Variants in GPC5 observed in about 807,000 individuals in gnomAD.
GPC5 encodes glypican-5.
In GPC5, 47 loss-of-function variants were observed where a neutral mutation model predicts 53.9. That is an observed-to-expected ratio of 0.87 (90% CI 0.69 to 1.11). The LOEUF (loss-of-function observed/expected upper bound fraction) is 1.11, where lower values mean the gene tolerates loss of function less well. Among genes scored for constraint, GPC5 ranks in the 50% most tolerant of loss-of-function variants. The pLI, the probability that GPC5 is intolerant of heterozygous loss-of-function variation, is 0.00. For synonymous variants in GPC5, 286 were observed against 263.3 expected, an observed-to-expected ratio of 1.09 and a Z score of -0.84; for missense variants, 748 against 713.1, an observed-to-expected ratio of 1.05 and a Z score of -0.56.
At chr13:92,778,133 A>G (rs1196695843) in intron 7 of GPC5, among the ~76,000 whole-genome samples, 4 of 152,226 alleles carry the variant, frequency 2.6e-5, no homozygotes. Context: ...TTTAAGATGA[A>G]TATGTATAGA....
At chr13:92,663,903 T>TATAC (rs1886478093) in intron 7 of GPC5, among the ~76,000 whole-genome samples, 7 of 83,176 alleles carry the variant, frequency 8.4e-5, no homozygotes, top group Admixed American at 2.7e-4. Context: ...TATATATATA[T>TATAC]ACACACACAC....
At chr13:92,598,409 C>G (rs1432258267) in intron 7 of GPC5, among the ~76,000 whole-genome samples, 1 of 151,590 alleles carries the variant, frequency 6.6e-6, no homozygotes, top group Non-Finnish European at 1.5e-5. Flanking sequence ...TACGTTGTAT[C>G]TGACTCTGAT....
chr13:91,625,504 C>T (rs565546651), intron 2 of GPC5, among the ~76,000 whole-genome samples: 19 of 151,822 alleles, frequency 1.3e-4, no homozygotes, highest in South Asian at 2.1e-4. Flanking sequence ...TTTAGTCGTG[C>T]GGAAAAAGTG....
chr13:91,966,415 A>G (rs569591698), intron 6 of GPC5, among the ~76,000 whole-genome samples: 2 of 152,284 alleles, frequency 1.3e-5, no homozygotes, highest in South Asian at 2.1e-4. Flanking sequence ...TATTTCAGAA[A>G]ATTAGGAAGA....
intron 7 of GPC5, among the ~76,000 whole-genome samples, chr13:92,392,706 A>G (rs1051430860): frequency 8.5e-5 from 13 of 152,286 alleles, no homozygotes; most frequent in African/African-American, 2.6e-4. Flanking sequence ...CAAGTTTACA[A>G]GAGAAACAAC....
intron 2 of GPC5, among the ~76,000 whole-genome samples, chr13:91,480,152 G>A (rs1883222120): frequency 6.6e-6 from 1 of 152,182 alleles, no homozygotes; most frequent in Non-Finnish European, 1.5e-5. Context: ...GGAACTTTAT[G>A]TAGTTCAGTT....
intron 6 of GPC5, among the ~76,000 whole-genome samples, chr13:91,972,669 C>G (rs1226674100): frequency 2.0e-5 from 3 of 152,104 alleles, no homozygotes; most frequent in Non-Finnish European, 2.9e-5. Context: ...CTGGTGGTGA[C>G]AAAATCTCTC....
chr13:92,526,927 A>T (rs1235381625), intron 7 of GPC5, among the ~76,000 whole-genome samples: 3 of 151,420 alleles, frequency 2.0e-5, no homozygotes, highest in Non-Finnish European at 4.4e-5. Flanking sequence ...CGGAGATGCA[A>T]AAGTACAGAT....
rs149610115 is a variant in GPC5 at position 92,148,797 on chromosome 13, C to T, written c.1561+3808C>T. The stretch of plus-strand genomic sequence containing the variant: ...ATTCTCTTCTTTTGGCCATGCAGAA[C>T]GAATCTAATATTAAAATCTATACTT... On this transcript the variant is annotated intron_variant, in intron 7 of 7. Coordinates refer to ENST00000377067, the MANE Select transcript of GPC5 (RefSeq NM_004466.6). Among the ~76,000 whole-genome samples the T allele has an allele frequency of 7.3e-3, 1,116 of 152,100 alleles. 5 individuals carry two copies. Among genetic ancestry groups the T allele is most frequent in the Non-Finnish European group, 0.012 (833 of 67,926 alleles).
intron 6 of GPC5, among the ~76,000 whole-genome samples, chr13:91,992,787 C>T (rs2040468910): frequency 6.6e-6 from 1 of 152,064 alleles, no homozygotes; most frequent in South Asian, 2.1e-4. Flanking sequence ...AAATTCAGTG[C>T]AATTACATAT....
chr13:92,663,080 G>C (rs1886403404), intron 7 of GPC5, among the ~76,000 whole-genome samples: 1 of 152,144 alleles, frequency 6.6e-6, no homozygotes, highest in African/African-American at 2.4e-5. Context: ...ATTTTAATAT[G>C]CTATAACAGT....
chr13:92,667,851 A>T (rs1460109132), intron 7 of GPC5, among the ~76,000 whole-genome samples: 1 of 152,200 alleles, frequency 6.6e-6, no homozygotes, highest in Non-Finnish European at 1.5e-5. Context: ...CCAGTTCATA[A>T]GTTATTCTAT....
intron 2 of GPC5, among the ~76,000 whole-genome samples, chr13:91,640,176 G>A (rs183994464): frequency 6.6e-6 from 1 of 152,078 alleles, no homozygotes; most frequent in South Asian, 2.1e-4. Context: ...CATAGCAAAA[G>A]AAACTATCAT....
intron 7 of GPC5, among the ~76,000 whole-genome samples, chr13:92,750,304 A>G (rs538295114): frequency 6.6e-6 from 1 of 152,294 alleles, no homozygotes; most frequent in East Asian, 1.9e-4. Context: ...CTACAGAAAT[A>G]TGCACATTTT....
intron 1 of GPC5, among the ~76,000 whole-genome samples, chr13:91,444,603 T>C (rs1880657857): frequency 6.6e-6 from 1 of 152,324 alleles, no homozygotes; most frequent in Admixed American, 6.5e-5. Flanking sequence ...CATTTTATGT[T>C]ATTTTCTGGA....
rs528652190 is a variant in GPC5 at position 92,317,843 on chromosome 13, G to C, written c.1561+172854G>C. ...AGAGATTCCAGTTAACATTTTAGTT[G>C]GACTCTGCTCCTCTAATTGTTAAAG... On this transcript the variant is annotated intron_variant, in intron 7 of 7. Coordinates refer to ENST00000377067, the MANE Select transcript of GPC5 (RefSeq NM_004466.6). 2.6e-5 allele frequency among the ~76,000 whole-genome samples: 4 copies of C among 151,998 alleles called. No individual in the cohort carries two copies. The South Asian group carries it at 8.3e-4, about 32-fold the overall frequency.
chr13:91,789,296 G>A (rs1013869788), intron 5 of GPC5, among the ~76,000 whole-genome samples: 4 of 152,132 alleles, frequency 2.6e-5, no homozygotes, highest in Non-Finnish European at 5.9e-5. Context: ...AAGTTAATAT[G>A]TTTGAGTACT....
At chr13:92,155,538 C>A (rs2041938056) in intron 7 of GPC5, among the ~76,000 whole-genome samples, 1 of 151,984 alleles carries the variant, frequency 6.6e-6, no homozygotes, top group South Asian at 2.1e-4. Flanking sequence ...TTGTTATCTT[C>A]TTTTAACTTT....
chr13:92,675,731 T>C (rs1450772452), intron 7 of GPC5, among the ~76,000 whole-genome samples: 1 of 152,124 alleles, frequency 6.6e-6, no homozygotes, highest in African/African-American at 2.4e-5. Flanking sequence ...TCCAGGAAAC[T>C]AGAAAATTGT....
Sources: allele counts gnomAD v4.1 joint callset (sites outside exome capture counted in the v4.1 genomes callset), GRCh38; gene constraint gnomAD v4.1.1; transcripts MANE v1.5; gene names NCBI Gene and HGNC (gene_info 2026-07-23, HGNC 2026-07-21).